Variants in ZHX2 observed in about 807,000 individuals in gnomAD.
The protein encoded by ZHX2 is zinc fingers and homeoboxes 2.
Under a neutral mutation model 21.9 loss-of-function variants are expected in ZHX2, and 6 were observed. The ratio of observed to expected loss-of-function variants is 0.27; its 90% confidence interval spans 0.15 to 0.54. The LOEUF is 0.54. ZHX2 is among the 20% of genes least tolerant of loss of function. ZHX2 has a pLI of 0.95. For missense variants in ZHX2, 908 were observed against 1,090.7 expected (o/e 0.83, Z 2.36); for synonymous variants, 434 against 437.1 (o/e 0.99, Z 0.09).
chr8:122,907,935 A>C (rs1045307334), intron 2 of ZHX2, among the ~76,000 whole-genome samples: 1 of 152,124 alleles, frequency 6.6e-6, no homozygotes, highest in African/African-American at 2.4e-5. Context: ...CTATTGCTGC[A>C]TTTTCCAAAT....
chr8:122,897,030 A>C (rs1820115220), intron 2 of ZHX2, among the ~76,000 whole-genome samples: 1 of 152,228 alleles, frequency 6.6e-6, no homozygotes, highest in South Asian at 2.1e-4. Flanking sequence ...ATGGGAATGC[A>C]CTTTAGAAAC....
intron 1 of ZHX2, among the ~76,000 whole-genome samples, chr8:122,790,717 C>T (rs1475318450): frequency 2.0e-5 from 3 of 152,160 alleles, no homozygotes; most frequent in African/African-American, 4.8e-5. Context: ...AAGCAATTCT[C>T]CTGCCTCAGT....
rs555055685 is a variant in ZHX2, at chr8:122,945,879, G to A, written c.-219-5413G>A. On this transcript the variant is annotated intron_variant, in intron 2 of 3. Transcript: ENST00000314393. ...GAATGCGCCCGGTCTCGTCAGACAG[G>A]GGATGGTGTGATGACTGGCTGGAGT... Among the ~76,000 whole-genome samples the A allele has an allele frequency of 5.3e-5, 8 of 152,282 alleles. No individual in the cohort carries two copies. The South Asian group carries it at 1.2e-3, about 24-fold the overall frequency.
intron 2 of ZHX2, among the ~76,000 whole-genome samples, chr8:122,867,003 T>C (rs75954601): frequency 6.9e-6 from 1 of 144,532 alleles, no homozygotes; most frequent in Non-Finnish European, 1.5e-5. Flanking sequence ...TTTTTTTTTT[T>C]TGTATTTTTA....
chr8:122,831,963 G>T (rs1461830701), intron 1 of ZHX2, among the ~76,000 whole-genome samples: 2 of 152,170 alleles, frequency 1.3e-5, no homozygotes, highest in African/African-American at 4.8e-5. Context: ...TGCATGTGGG[G>T]TGGTGACACT....
chr8:122,859,165 C>T (rs1355094786), intron 1 of ZHX2, among the ~76,000 whole-genome samples: 1 of 152,212 alleles, frequency 6.6e-6, no homozygotes, highest in Non-Finnish European at 1.5e-5. Flanking sequence ...CTTGGCCCTG[C>T]AAGACTAGCG....
At chr8:122,871,028 C>T (rs368464639) in intron 2 of ZHX2, among the ~76,000 whole-genome samples, 2 of 152,058 alleles carry the variant, frequency 1.3e-5, no homozygotes, top group Non-Finnish European at 2.9e-5. Flanking sequence ...ACCGGTGGAG[C>T]GGGCAGGACG....
chr8:122,851,236 G>A (rs1447162046), intron 1 of ZHX2, among the ~76,000 whole-genome samples: 1 of 152,230 alleles, frequency 6.6e-6, no homozygotes, highest in African/African-American at 2.4e-5. Flanking sequence ...AAGAAGAAAG[G>A]TGGATAATTT....
chr8:122,800,334 C>T (rs552762944), intron 1 of ZHX2, among the ~76,000 whole-genome samples: 14 of 152,166 alleles, frequency 9.2e-5, no homozygotes, highest in Non-Finnish European at 2.1e-4. Flanking sequence ...CCTGGGTTCA[C>T]GTAGTAGCTA....
At chr8:122,891,719 G>C (rs781381924) in intron 2 of ZHX2, among the ~76,000 whole-genome samples, 7 of 152,078 alleles carry the variant, frequency 4.6e-5, no homozygotes, top group Non-Finnish European at 8.8e-5. Flanking sequence ...TAATTTCCAT[G>C]TATTTGTTCA....
intron 2 of ZHX2, among the ~76,000 whole-genome samples, chr8:122,880,339 C>G (rs1323672195): frequency 6.6e-6 from 1 of 152,010 alleles, no homozygotes; most frequent in Non-Finnish European, 1.5e-5. Flanking sequence ...GAGGACCCAC[C>G]ATGGTGGGGC....
chr8:122,870,399 G>C (rs965712378), intron 2 of ZHX2, among the ~76,000 whole-genome samples: 1 of 151,916 alleles, frequency 6.6e-6, no homozygotes, highest in Non-Finnish European at 1.5e-5. Context: ...GGAGGCCAAG[G>C]GGGGTGGATC....
chr8:122,940,719 G>T (rs939280612), intron 2 of ZHX2, among the ~76,000 whole-genome samples: 1 of 152,210 alleles, frequency 6.6e-6, no homozygotes, highest in African/African-American at 2.4e-5. Flanking sequence ...AAGGCCACTT[G>T]GAATTTGTGA....
At chr8:122,921,468 T>G (rs1274166542) in intron 2 of ZHX2, among the ~76,000 whole-genome samples, 1 of 152,148 alleles carries the variant, frequency 6.6e-6, no homozygotes, top group Non-Finnish European at 1.5e-5. Context: ...CCACCACCGC[T>G]GCTGCCCCTC....
Position 122,953,785 on chromosome 8 carries a change from T to A in ZHX2, c.2275T>A (p.Cys759Ser). ...VKVGSEPAKD[C>S]LPAKPSEATS... ...AGTAGGCAGCGAGCCAGCAAAAGAC[T>A]GTTTGCCAGCAAAGCCCTCAGAGGC... Residue 759 changes from cysteine (C) to serine (S), a missense_variant, in exon 3 of 4, where the codon TGT (cysteine) becomes AGT (serine). By Grantham distance (112) the Cys-to-Ser change is moderately radical (BLOSUM62 -1). Around this residue, in one of 4 missense-constraint regions of ZHX2, gnomAD observed 431 missense variants for 428.6 expected, o/e 1.01. Coordinates refer to ENST00000314393, the MANE Select transcript of ZHX2 (RefSeq NM_014943.5). This position sits in a 1 kb window ranked among gnomAD's most constrained non-coding sequence, Gnocchi z 4.6. 6.2e-7 allele frequency: 1 copy of A among 1,614,182 alleles called. No homozygotes were observed. Among genetic ancestry groups the A allele is most frequent in the South Asian group, 1.1e-5 (1 of 91,080 alleles).
chr8:122,857,481 G>A (rs565743990), intron 1 of ZHX2, among the ~76,000 whole-genome samples: 1 of 152,250 alleles, frequency 6.6e-6, no homozygotes, highest in South Asian at 2.1e-4. Flanking sequence ...ACAAATATGG[G>A]TCAATTCTAG....
intron 2 of ZHX2, among the ~76,000 whole-genome samples, chr8:122,946,871 G>A (rs111234407): frequency 1.3e-5 from 2 of 151,970 alleles, no homozygotes; most frequent in Admixed American, 1.3e-4. Context: ...GTGTGCACAC[G>A]CATGCACACA....
chr8:122,959,669 C>T (rs187131293), intron 3 of ZHX2, among the ~76,000 whole-genome samples: 81 of 152,152 alleles, frequency 5.3e-4, no homozygotes, highest in Non-Finnish European at 8.5e-4. Flanking sequence ...TTGACAGCAG[C>T]GAGAGGAGAG....
chr8:122,950,681 T>G (rs959745014), intron 2 of ZHX2, among the ~76,000 whole-genome samples: 1 of 152,100 alleles, frequency 6.6e-6, no homozygotes, highest in African/African-American at 2.4e-5. Context: ...CACGTGATGA[T>G]TTCATCACGT....
Sources: allele counts gnomAD v4.1 joint callset (sites outside exome capture counted in the v4.1 genomes callset), GRCh38; gene constraint gnomAD v4.1.1; regional missense constraint gnomAD v4.1.1; non-coding constraint Gnocchi (gnomAD v3.1); transcripts MANE v1.5; gene names NCBI Gene and HGNC (gene_info 2026-07-23, HGNC 2026-07-21).